Variants in PELI2 observed in about 807,000 individuals in gnomAD.
The protein encoded by PELI2 is E3 ubiquitin-protein ligase pellino homolog 2.
In PELI2, 23 loss-of-function variants were observed where a neutral mutation model predicts 42.3. The ratio of observed to expected loss-of-function variants is 0.54; its 90% confidence interval spans 0.39 to 0.77. PELI2 has a LOEUF of 0.77. PELI2 is among the 30% of genes least tolerant of loss of function. The pLI, the probability that PELI2 is intolerant of heterozygous loss-of-function variation, is 0.00. For missense variants in PELI2, 463 were observed against 553.2 expected, an observed-to-expected ratio of 0.84 and a Z score of 1.64; for synonymous variants, 245 against 212.2, an observed-to-expected ratio of 1.15 and a Z score of -1.34.
chr14:56,120,902 A>C (rs551319173), intron 1 of PELI2, among the ~76,000 whole-genome samples: 1 of 152,062 alleles, frequency 6.6e-6, no homozygotes, highest in South Asian at 2.1e-4. Flanking sequence ...GAATTGTGGT[A>C]TTTTTCTTTT....
chr14:56,258,888 A>G (rs925583859), intron 2 of PELI2, among the ~76,000 whole-genome samples: 1 of 152,118 alleles, frequency 6.6e-6, no homozygotes, highest in Non-Finnish European at 1.5e-5. Context: ...GAATATAAAG[A>G]AAACTATAGT....
In PELI2 at chr14:56,195,652, T is replaced by A. The variant is rs1886104882; in HGVS notation, c.207+17188T>A. 2.0e-5 allele frequency among the ~76,000 whole-genome samples: 3 copies of A among 152,370 alleles called. No homozygotes were observed. In the South Asian group the frequency reaches 6.2e-4, roughly 32 times the overall value. On this transcript the variant is annotated intron_variant, in intron 2 of 5. Coordinates refer to ENST00000267460, the MANE Select transcript of PELI2 (RefSeq NM_021255.3). The stretch of plus-strand genomic sequence containing the variant: ...GTGGGGATACCTTTCCTCTAAATGC[T>A]GCCATTCTCTGTGTTCAAACACTGC...
intron 1 of PELI2, chr14:56,144,969 C>T: frequency 1.0e-6 from 1 of 984,318 alleles, no homozygotes; most frequent in Non-Finnish European, 1.2e-6. Flanking sequence ...GTGGAAGACC[C>T]AGTTTGGAAG....
chr14:56,191,792 T>C (rs1248687750), intron 2 of PELI2, among the ~76,000 whole-genome samples: 3 of 152,156 alleles, frequency 2.0e-5, no homozygotes, highest in Admixed American at 2.0e-4. Context: ...TTTTAGTAAG[T>C]TTTGCTCTAG....
intron 1 of PELI2, among the ~76,000 whole-genome samples, chr14:56,136,674 G>A (rs977528540): frequency 2.6e-5 from 4 of 152,132 alleles, no homozygotes; most frequent in Admixed American, 1.3e-4. Context: ...GGTTTTAATT[G>A]ATGCATAAAG....
At position 56,245,291 on chromosome 14, in the gene PELI2, TATTA is replaced by T. The variant is rs1420141962; in HGVS notation, c.208-34376_208-34373del. On this transcript the variant is annotated intron_variant, in intron 2 of 5. Coordinates refer to ENST00000267460, the MANE Select transcript of PELI2 (RefSeq NM_021255.3). Reference sequence around the variant, plus strand: ...TTTCTAATTGATGTTAATGAAAATATATTAATTAATTAGCTTAGATGTGGAACCA... The same window carrying T: ...TTTCTAATTGATGTTAATGAAAATATATTAATTAGCTTAGATGTGGAACCA... 5.9e-5 allele frequency among the ~76,000 whole-genome samples: 9 copies of T among 152,302 alleles called. No individual in the cohort carries two copies. In the East Asian group the frequency reaches 1.2e-3, roughly 20 times the overall value.
At chr14:56,174,620 T>C (rs1885302734) in intron 1 of PELI2, among the ~76,000 whole-genome samples, 1 of 152,176 alleles carries the variant, frequency 6.6e-6, no homozygotes, top group Admixed American at 6.5e-5. Context: ...TCTGATGGTT[T>C]AAAAGTGTGT....
intron 2 of PELI2, among the ~76,000 whole-genome samples, chr14:56,204,822 T>G (rs1886454898): frequency 6.6e-6 from 1 of 151,858 alleles, no homozygotes; most frequent in Admixed American, 6.6e-5. Context: ...ATCATGAGGT[T>G]AGATCGAGAC....
intron 2 of PELI2, among the ~76,000 whole-genome samples, chr14:56,178,728 A>T (rs1215980310): frequency 6.6e-6 from 1 of 152,224 alleles, no homozygotes; most frequent in African/African-American, 2.4e-5. Context: ...GTCTCAAGAC[A>T]TTGCAGCCCG....
At chr14:56,196,925 A>G (rs1039838942) in intron 2 of PELI2, among the ~76,000 whole-genome samples, 1 of 152,186 alleles carries the variant, frequency 6.6e-6, no homozygotes, top group African/African-American at 2.4e-5. Flanking sequence ...CTTAAGCTTT[A>G]TAAGTTTCTT....
intron 4 of PELI2, among the ~76,000 whole-genome samples, chr14:56,289,776 C>G (rs1889767500): frequency 6.6e-6 from 1 of 152,228 alleles, no homozygotes; most frequent in African/African-American, 2.4e-5. Context: ...ATTATGAAAA[C>G]ATAATGACCC....
chr14:56,239,619 C>T (rs1887906939), intron 2 of PELI2, among the ~76,000 whole-genome samples: 1 of 152,160 alleles, frequency 6.6e-6, no homozygotes, highest in Non-Finnish European at 1.5e-5. Context: ...ACAGAGTAAG[C>T]CTCCTGTTTA....
At position 56,224,545 on chromosome 14, in the gene PELI2, T is replaced by G. The variant is rs951570651; in HGVS notation, c.207+46081T>G. Among the ~76,000 whole-genome samples the G allele has an allele frequency of 5.3e-5, 8 of 152,372 alleles. No homozygotes were observed. In the East Asian group the frequency reaches 1.5e-3, roughly 29 times the overall value. On this transcript the variant is annotated intron_variant, in intron 2 of 5. Transcript: ENST00000267460. ...TCAAAGTTCAGTAGGGATAGAATTC[T>G]TACAGTATAATGTAAAGTGTTATGT...
At chr14:56,281,440 G>A (rs192047502) in intron 3 of PELI2, among the ~76,000 whole-genome samples, 53 of 152,266 alleles carry the variant, frequency 3.5e-4, no homozygotes, top group African/African-American at 1.3e-3. Context: ...GTATGGAAGA[G>A]AGATGGGACT....
intron 2 of PELI2, among the ~76,000 whole-genome samples, chr14:56,271,599 A>ACAT (rs1566676517): frequency 6.6e-6 from 1 of 152,212 alleles, no homozygotes; most frequent in Non-Finnish European, 1.5e-5. Context: ...CCTAAAACAC[A>ACAT]CATCATCATC....
chr14:56,186,795 A>C (rs1398099524), intron 2 of PELI2, among the ~76,000 whole-genome samples: 1 of 152,210 alleles, frequency 6.6e-6, no homozygotes, highest in Non-Finnish European at 1.5e-5. Context: ...ATTCGTTGGA[A>C]AAATAATTTA....
chr14:56,277,703 C>T (rs544438653), intron 2 of PELI2, among the ~76,000 whole-genome samples: 8 of 152,090 alleles, frequency 5.3e-5, no homozygotes, highest in African/African-American at 7.2e-5. Context: ...GTGACCAGAG[C>T]GAGTCTTCAT....
At chr14:56,269,980 C>A (rs1292721925) in intron 2 of PELI2, among the ~76,000 whole-genome samples, 1 of 152,202 alleles carries the variant, frequency 6.6e-6, no homozygotes, top group African/African-American at 2.4e-5. Context: ...TGTACTTGAG[C>A]GTGACCCCAA....
In PELI2 at chr14:56,290,324, T is replaced by C. The variant is rs1889786612; in HGVS notation, c.564T>C (p.Asn188=). 6.2e-7 allele frequency: 1 copy of C among 1,613,432 alleles called. No homozygotes were observed. Among genetic ancestry groups the C allele is most frequent in the Non-Finnish European group, 8.5e-7 (1 of 1,179,592 alleles). ...PDGHMDGLTT[N]GVLVMHPRGG... ...GCCACATGGATGGGCTCACTACTAA[T>C]GGCGTCCTGGTGATGCATCCACGAG... Residue 188 remains asparagine (N), a synonymous_variant, in exon 5 of 6, where the codon AAT becomes AAC. Coordinates refer to ENST00000267460, the MANE Select transcript of PELI2 (RefSeq NM_021255.3).
Sources: allele counts gnomAD v4.1 joint callset (sites outside exome capture counted in the v4.1 genomes callset), GRCh38; gene constraint gnomAD v4.1.1; transcripts MANE v1.5; gene names NCBI Gene and HGNC (gene_info 2026-07-23, HGNC 2026-07-21).